The following DLC1 variants were observed in gnomAD, a reference collection of about 807,000 sequenced individuals.
The protein encoded by DLC1 is rho GTPase-activating protein 7.
Under a neutral mutation model 140.3 loss-of-function variants are expected in DLC1, and 54 were observed. The observed-to-expected ratio is 0.38, with a 90% CI of 0.31 to 0.48. The LOEUF (loss-of-function observed/expected upper bound fraction) is 0.48. Among genes scored for constraint, DLC1 ranks in the 20% least tolerant of loss-of-function variants. The pLI is 0.96. For missense variants in DLC1, 2,536 were observed against 1,907.0 expected, an observed-to-expected ratio of 1.33 and a Z score of -6.14; for synonymous variants, 986 against 728.1, an observed-to-expected ratio of 1.35 and a Z score of -5.70.
intron 5 of DLC1, among the ~76,000 whole-genome samples, chr8:13,145,569 A>G (rs62493040): frequency 0.35 from 52,803 of 152,074 alleles, 10,329 homozygotes; most frequent in East Asian, 0.54. Flanking sequence ...ACTCCAAACA[A>G]CTAAAAATAT....
intron 5 of DLC1, among the ~76,000 whole-genome samples, chr8:13,185,201 T>C (rs994741846): frequency 2.0e-5 from 3 of 151,106 alleles, no homozygotes; most frequent in Non-Finnish European, 2.9e-5. Flanking sequence ...ATATGTGTCT[T>C]TGCATGCGAG....
chr8:13,591,754 A>G (rs1424447673), intron 1 of DLC1, among the ~76,000 whole-genome samples: 1 of 152,126 alleles, frequency 6.6e-6, no homozygotes, highest in Admixed American at 6.6e-5. Flanking sequence ...GAATTCATGG[A>G]TATGTCAGAT....
intron 2 of DLC1, among the ~76,000 whole-genome samples, chr8:13,473,401 T>G (rs540936273): frequency 3.8e-4 from 58 of 152,264 alleles, no homozygotes; most frequent in African/African-American, 1.3e-3. Flanking sequence ...CTGCACAGGC[T>G]CTCTTGTTTT....
At chr8:13,348,722 A>G (rs1252918969) in intron 4 of DLC1, among the ~76,000 whole-genome samples, 2 of 152,194 alleles carry the variant, frequency 1.3e-5, no homozygotes, top group African/African-American at 4.8e-5. Context: ...AAGAAAGAAA[A>G]TGAATACATG....
At chr8:13,414,827 C>T (rs1837970342) in intron 2 of DLC1, among the ~76,000 whole-genome samples, 1 of 151,860 alleles carries the variant, frequency 6.6e-6, no homozygotes, top group Non-Finnish European at 1.5e-5. Flanking sequence ...GGCTGGGGGG[C>T]AGGGACAGAG....
intron 4 of DLC1, chr8:13,342,447 G>C (rs1046785252): frequency 1.3e-5 from 2 of 152,232 alleles, no homozygotes; most frequent in African/African-American, 4.8e-5. Context: ...TGCTGTGAAA[G>C]TATTTTTCAG....
chr8:13,156,850 C>G (rs1036014868), intron 5 of DLC1, among the ~76,000 whole-genome samples: 1 of 152,178 alleles, frequency 6.6e-6, no homozygotes, highest in South Asian at 2.1e-4. Context: ...AAAATGGAAA[C>G]CTTGTTAAAG....
At chr8:13,591,006 G>A (rs62493209) in intron 1 of DLC1, among the ~76,000 whole-genome samples, 15,068 of 151,974 alleles carry the variant, frequency 0.099, 1,075 homozygotes, top group Non-Finnish European at 0.14. Flanking sequence ...ATAACATGGA[G>A]GTACTTTCAA....
chr8:13,445,510 A>G (rs775540222), intron 2 of DLC1, among the ~76,000 whole-genome samples: 1 of 152,244 alleles, frequency 6.6e-6, no homozygotes, highest in Non-Finnish European at 1.5e-5. Flanking sequence ...AGGTATATGC[A>G]TAGGCACAAG....
chr8:13,441,080 C>A lies in DLC1; in HGVS notation c.1024-39461G>T, dbSNP rs117582544. On this transcript the variant is annotated intron_variant, in intron 2 of 17. Coordinates refer to ENST00000276297, the MANE Select transcript of DLC1 (RefSeq NM_182643.3). ...ACCTGGGATAATTCTACCAAACTAC[C>A]ACTACGAAGAATTTCATTCATCATC... is the stretch of plus-strand genomic sequence containing the variant. Among the ~76,000 whole-genome samples the A allele has an allele frequency of 3.2e-3, 490 of 152,244 alleles. 12 individuals are homozygous for A. The South Asian group carries it at 0.059, about 18-fold the overall frequency.
intron 5 of DLC1, among the ~76,000 whole-genome samples, chr8:13,157,919 T>A (rs1824375132): frequency 6.6e-6 from 1 of 152,244 alleles, no homozygotes; most frequent in African/African-American, 2.4e-5. Flanking sequence ...AGGGAAAACT[T>A]ACTCATTTAG....
intron 4 of DLC1, among the ~76,000 whole-genome samples, chr8:13,355,386 C>T (rs1834888619): frequency 6.6e-6 from 1 of 152,160 alleles, no homozygotes; most frequent in African/African-American, 2.4e-5. Flanking sequence ...CCAGCTCAGG[C>T]TGCCATGACA....
At chr8:13,425,334 C>T (rs552173366) in intron 2 of DLC1, among the ~76,000 whole-genome samples, 1 of 152,216 alleles carries the variant, frequency 6.6e-6, no homozygotes, top group East Asian at 1.9e-4. Context: ...ATTGATGGAG[C>T]CATGTGGCAG....
At chr8:13,362,426 G>A (rs1008771978) in intron 4 of DLC1, among the ~76,000 whole-genome samples, 1 of 152,170 alleles carries the variant, frequency 6.6e-6, no homozygotes, top group African/African-American at 2.4e-5. Context: ...ACTCTGTATG[G>A]TGGGGATCCA....
Position 13,116,122 on chromosome 8 carries a change from T to G in DLC1, c.1349-465A>C, listed in dbSNP as rs370571221. 4.1e-6 allele frequency: 4 copies of G among 974,350 alleles called. No individual in the cohort carries two copies. The African/African-American group carries it at 7.0e-5, about 17-fold the overall frequency. 60.4% of individuals were successfully genotyped at this position (974,350 alleles called of 1,614,324 possible). A position where few individuals can be genotyped will look rare whatever the true frequency, so the allele number is the denominator to read the frequency against. On this transcript the variant is annotated intron_variant, in intron 5 of 17. Coordinates refer to ENST00000276297, the MANE Select transcript of DLC1 (RefSeq NM_182643.3). The stretch of plus-strand genomic sequence containing the variant: ...TCACAGGCTTTCTGACACCCAGGGG[T>G]TGGGTGTTTCAAAAGCCCCTGACCT...
At chr8:13,182,496 T>C (rs182726484) in intron 5 of DLC1, among the ~76,000 whole-genome samples, 94 of 152,320 alleles carry the variant, frequency 6.2e-4, no homozygotes, top group Non-Finnish European at 1.0e-3. Flanking sequence ...TTAATTTTTG[T>C]ACAAGGTGTA....
intron 3 of DLC1, among the ~76,000 whole-genome samples, chr8:13,396,612 C>T (rs1416383026): frequency 1.3e-5 from 2 of 152,136 alleles, no homozygotes; most frequent in Non-Finnish European, 2.9e-5. Flanking sequence ...TGACCAAAGT[C>T]GTATCCCAAG....
chr8:13,202,788 C>T (rs1827463681), intron 5 of DLC1, among the ~76,000 whole-genome samples: 1 of 152,170 alleles, frequency 6.6e-6, no homozygotes, highest in East Asian at 1.9e-4. Context: ...ATCCTCCCAC[C>T]TCTGCCTCCT....
chr8:13,323,244 G>A (rs1346403037), intron 4 of DLC1, among the ~76,000 whole-genome samples: 1 of 152,188 alleles, frequency 6.6e-6, no homozygotes, highest in South Asian at 2.1e-4. Flanking sequence ...AAATGCATTT[G>A]CCTATATATT....
Sources: gnomAD v4.1 joint callset for allele counts (sites outside exome capture counted in the v4.1 genomes callset) on GRCh38, gnomAD v4.1.1 for gene constraint, MANE v1.5 for transcripts, NCBI Gene and HGNC (gene_info 2026-07-23, HGNC 2026-07-21) for gene names.